The following RYR1 variants were observed in gnomAD, a reference collection of about 807,000 sequenced individuals.
The protein encoded by RYR1 is ryanodine receptor 1, also known as central core disease of muscle.
RYR1 carries 342 observed loss-of-function variants against 583.5 expected under a neutral mutation model. That is an observed-to-expected ratio of 0.59 (90% CI 0.54 to 0.64). The LOEUF (loss-of-function observed/expected upper bound fraction) is 0.64, where lower values mean the gene tolerates loss of function less well. RYR1 is among the 30% of genes least tolerant of loss of function. The pLI is 0.00. For synonymous variants in RYR1, 2,791 were observed against 2,822.5 expected (o/e 0.99, Z 0.35); for missense variants, 6,032 against 6,917.2 (o/e 0.87, Z 4.54).
Position 38,483,437 on chromosome 19 carries a change from G to T in RYR1, c.4855G>T (p.Ala1619Ser). ...CTTCCTGCAGGTGGAGACGAGGCGTGCCGGCGAGCGGCTGGGCTGGGCCGT... is the reference window on the plus strand; with the variant it reads ...CTTCCTGCAGGTGGAGACGAGGCGTTCCGGCGAGCGGCTGGGCTGGGCCGT... ...NHFLQVETRRAGERLGWAVQC... is the reference protein window; with the variant it reads ...NHFLQVETRRSGERLGWAVQC... Residue 1619 changes from alanine (A) to serine (S), a missense_variant, in exon 33 of 106, where the codon GCC becomes TCC. By Grantham distance (99) the Ala-to-Ser change is moderately conservative (BLOSUM62 1). Coordinates refer to ENST00000359596, the MANE Select transcript of RYR1 (RefSeq NM_000540.3). This position sits in a 1 kb window ranked among gnomAD's most constrained non-coding sequence, Gnocchi z 6.3. 1 of 1,575,388 alleles carries T rather than the reference G, an allele frequency of 6.3e-7. No individual in the cohort carries two copies. The highest frequency in any genetic ancestry group is 8.6e-7 in the Non-Finnish European group (1 of 1,162,962).
chr19:38,586,382 A>G, intron 104 of RYR1, 143 bp from the exon 105 acceptor site: 1 of 1,084,270 alleles, frequency 9.2e-7, no homozygotes, highest in Non-Finnish European at 1.4e-6. Flanking sequence ...GCACTTTGGG[A>G]GGCCAAGTGG....
rs1972296691 is a variant in RYR1 at position 38,433,697 on chromosome 19, C to A, written c.-133C>A. On this transcript the variant is annotated 5_prime_UTR_variant, in exon 1 of 106. Coordinates refer to ENST00000359596, the MANE Select transcript of RYR1 (RefSeq NM_000540.3). ...CAGCATGCGTGTACTCCTCGCAGTT[C>A]CATCTACCTCGCGGGTGCCTCTGGT... 3.0e-5 allele frequency: 22 copies of A among 735,472 alleles called. No individual in the cohort carries two copies. The South Asian group carries it at 3.2e-4, about 11-fold the overall frequency. The allele number at this position is 735,472 out of a possible 1,614,324, so 45.6% of individuals were successfully genotyped here.
intron 97 of RYR1, among the ~76,000 whole-genome samples, chr19:38,577,164 G>A (rs1973994734): frequency 6.6e-6 from 1 of 152,018 alleles, no homozygotes; most frequent in South Asian, 2.1e-4. Flanking sequence ...GGGATTACAG[G>A]CACGAGCCAC....
Position 38,461,166 on chromosome 19 carries a change from C to G in RYR1, c.2577+575C>G, listed in dbSNP as rs551753862. On this transcript the variant is annotated intron_variant, in intron 20 of 105. Coordinates refer to ENST00000359596, the MANE Select transcript of RYR1 (RefSeq NM_000540.3). ...GAGACTTCATCTCAAAACAAACAAA[C>G]AAACAAAAACAACCAACATTTTGGG... Among the ~76,000 whole-genome samples, 8 of 151,944 alleles carry G rather than the reference C, an allele frequency of 5.3e-5. No homozygotes were observed. The South Asian group carries it at 1.5e-3, about 28-fold the overall frequency.
rs765661825 is a variant in RYR1, at chr19:38,477,715, T to C, written c.4299T>C (p.Tyr1433=). Residue 1433 remains tyrosine (Y), a synonymous_variant, in exon 30 of 106, where the codon TAT becomes TAC. Coordinates refer to ENST00000359596, the MANE Select transcript of RYR1 (RefSeq NM_000540.3). The part of the protein sequence containing the change: ...PEIILNTTTY[Y]YSVRVFAGQE... ...TCCCCTCCTTGTGTCACCAGTACTA[T>C]TACTCCGTGAGGGTCTTTGCTGGAC... 8.1e-6 allele frequency: 13 copies of C among 1,614,168 alleles called. No individual in the cohort carries two copies. The highest frequency in any genetic ancestry group is 1.0e-5 in the Non-Finnish European group (12 of 1,180,032).
At chr19:38,502,848 G>T in intron 48 of RYR1, 32 bp from the exon 49 acceptor site, 1 of 1,602,886 alleles carries the variant, frequency 6.2e-7, no homozygotes, top group Non-Finnish European at 8.5e-7. Context: ...GGCCTGGACG[G>T]GGGATTCTAC....
chr19:38,498,091 C>T (rs1332120843), intron 42 of RYR1, among the ~76,000 whole-genome samples: 2 of 152,130 alleles, frequency 1.3e-5, no homozygotes, highest in African/African-American at 4.8e-5. Flanking sequence ...CGGGAACAGC[C>T]AGTGCAAAGG....
chr19:38,546,640 GGATCC>G, intron 88 of RYR1, 114 bp downstream of exon 88: 1 of 837,756 alleles, frequency 1.2e-6, no homozygotes, highest in Non-Finnish European at 2.0e-6. Flanking sequence ...CATCGTGTCA[GGATCC>G]ATGGGTTGAT....
intron 58 of RYR1, among the ~76,000 whole-genome samples, chr19:38,508,491 G>A (rs1321818503): frequency 6.6e-6 from 1 of 152,232 alleles, no homozygotes; most frequent in African/African-American, 2.4e-5. Context: ...GATTAAAGGC[G>A]TGAGCCACCG....
At chr19:38,504,696 G>A (rs1970358250) in intron 50 of RYR1, 52 bp from the exon 51 acceptor site, 7 of 1,604,032 alleles carry the variant, frequency 4.4e-6, no homozygotes, top group Non-Finnish European at 4.2e-6. Context: ...GGTCCTGGGG[G>A]TCAGTAAGGC....
At chr19:38,575,677 C>T (rs2145881272) in intron 96 of RYR1, among the ~76,000 whole-genome samples, 1 of 152,288 alleles carries the variant, frequency 6.6e-6, no homozygotes, top group South Asian at 2.1e-4. Flanking sequence ...GTGGTGGGCG[C>T]CTGTAATCCC....
intron 1 of RYR1, among the ~76,000 whole-genome samples, chr19:38,434,159 C>A (rs1349807682): frequency 6.6e-6 from 1 of 152,090 alleles, no homozygotes; most frequent in East Asian, 1.9e-4. Context: ...CGAGGGAGCA[C>A]ACCCTCACAC....
chr19:38,473,916 C>T (rs1163172946), intron 28 of RYR1, 145 bp downstream of exon 28: 1 of 658,316 alleles, frequency 1.5e-6, no homozygotes, highest in African/African-American at 1.8e-5. Context: ...GAGATTCTAT[C>T]ATGTCTCCAA....
chr19:38,583,130 C>G (rs565464494), intron 101 of RYR1, among the ~76,000 whole-genome samples: 1 of 152,024 alleles, frequency 6.6e-6, no homozygotes, highest in South Asian at 2.1e-4. Context: ...AACCCTGTCT[C>G]CACTAAAAAT....
rs918371752 is a variant in RYR1 at position 38,525,694 on chromosome 19, C to T, written c.10626+192C>T. ...TGCCCCTGGGATGCCCTGAGGACCC[C>T]GTTCAAGATATTGCCAGGGCACCAC... is the stretch of plus-strand genomic sequence containing the variant. On this transcript the variant is annotated intron_variant, in intron 71 of 105. Transcript: ENST00000359596. 1.6e-4 allele frequency among the ~76,000 whole-genome samples: 24 copies of T among 151,970 alleles called. No individual in the cohort carries two copies. In the South Asian group the frequency reaches 2.3e-3, roughly 14 times the overall value.
Position 38,504,741 on chromosome 19 carries a change from T to G in RYR1, c.8068-7T>G. 6.2e-7 allele frequency: 1 copy of G among 1,613,994 alleles called. No individual in the cohort carries two copies. Among genetic ancestry groups the G allele is most frequent in the East Asian group, 2.2e-5 (1 of 44,876 alleles). On this transcript the variant is annotated splice_region_variant and splice_polypyrimidine_tract_variant and intron_variant, in intron 50 of 105. Transcript: ENST00000359596. Reference sequence around the variant, plus strand: ...CCTCCTACCCCTGCTTCACCCGGTTTTCCCAGAAATACGACCCGGAGCTGT... The same window carrying G: ...CCTCCTACCCCTGCTTCACCCGGTTGTCCCAGAAATACGACCCGGAGCTGT...
At chr19:38,465,111 A>G (rs1178502051) in intron 23 of RYR1, among the ~76,000 whole-genome samples, 1 of 152,094 alleles carries the variant, frequency 6.6e-6, no homozygotes, top group Non-Finnish European at 1.5e-5. Context: ...ACACGTCCTG[A>G]GTTCAGAGGT....
intron 31 of RYR1, among the ~76,000 whole-genome samples, chr19:38,478,908 C>T (rs1267378577): frequency 6.6e-6 from 1 of 152,200 alleles, no homozygotes; most frequent in Non-Finnish European, 1.5e-5. Flanking sequence ...GCTGGGATTA[C>T]AGGCGAGCAC....
chr19:38,558,037 G>A (rs1599619063), intron 89 of RYR1, among the ~76,000 whole-genome samples: 1 of 152,116 alleles, frequency 6.6e-6, no homozygotes, highest in African/African-American at 2.4e-5. Context: ...AGCCAGGCAC[G>A]ATGACTCATG....
Sources: gnomAD v4.1 joint callset for allele counts (sites outside exome capture counted in the v4.1 genomes callset) on GRCh38, gnomAD v4.1.1 for gene constraint, Gnocchi (gnomAD v3.1) non-coding constraint, MANE v1.5 for transcripts, NCBI Gene and HGNC (gene_info 2026-07-23, HGNC 2026-07-21) for gene names.